The following RMDN2 variants were observed in gnomAD, a reference collection of about 807,000 sequenced individuals.
RMDN2 encodes the protein regulator of microtubule dynamics 2, also known as regulator of microtubule dynamics protein 2.
In RMDN2, 61 loss-of-function variants were observed where a neutral mutation model predicts 52.8. The ratio of observed to expected loss-of-function variants is 1.16; its 90% CI spans 0.94 to 1.43. The LOEUF (loss-of-function observed/expected upper bound fraction) is 1.43, where lower values mean the gene tolerates loss of function less well. RMDN2 is among the 40% of genes most tolerant of loss of function. The pLI is 0.00. For synonymous variants in RMDN2, 180 were observed against 153.1 expected (o/e 1.18, Z -1.30); for missense variants, 592 against 475.3 (o/e 1.25, Z -2.28).
intron 2 of RMDN2, among the ~76,000 whole-genome samples, chr2:37,933,180 C>T (rs191434883): frequency 1.8e-4 from 28 of 152,002 alleles, no homozygotes; most frequent in Admixed American, 7.8e-4. Context: ...GATGGGCGGC[C>T]GGGCAGAGAT....
At chr2:37,974,014 G>A (rs1242084345) in intron 2 of RMDN2, 26 bp from the exon 3 acceptor site, 1 of 1,574,940 alleles carries the variant, frequency 6.3e-7, no homozygotes. Flanking sequence ...TTTCAAAGGA[G>A]TTGATGATTA....
At chr2:37,923,757 G>C (rs761836165), upstream of RMDN2, among the ~76,000 whole-genome samples, 25 of 152,112 alleles carry the variant, frequency 1.6e-4, no homozygotes, top group Admixed American at 2.6e-4. Flanking sequence ...TTAGGTTTTT[G>C]CTCTTGTTTT....
At chr2:38,051,242 C>G (rs763413950) in intron 10 of RMDN2, among the ~76,000 whole-genome samples, 4 of 133,362 alleles carry the variant, frequency 3.0e-5, no homozygotes, top group Non-Finnish European at 6.2e-5. Context: ...ACCGTAAAAA[C>G]AAAATTGTAA....
intron 10 of RMDN2, among the ~76,000 whole-genome samples, chr2:38,040,048 T>TATTATG (rs1680859195): frequency 1.0e-5 from 1 of 97,216 alleles, no homozygotes; most frequent in South Asian, 3.1e-4. Flanking sequence ...CTAGATTCAT[T>TATTATG]ATTATTATTA....
intron 2 of RMDN2, among the ~76,000 whole-genome samples, chr2:37,971,659 T>G (rs376945176): frequency 2.0e-5 from 3 of 152,142 alleles, no homozygotes; most frequent in African/African-American, 7.2e-5. Flanking sequence ...ATGTACCACA[T>G]TTTCATATGC....
chr2:38,003,605 C>T (rs3953461), intron 8 of RMDN2, among the ~76,000 whole-genome samples: 66 of 85,192 alleles, frequency 7.7e-4, no homozygotes, highest in South Asian at 3.7e-3. Context: ...GATAGATAGG[C>T]AGACAGACAG....
intron 10 of RMDN2, among the ~76,000 whole-genome samples, chr2:38,058,688 T>G (rs1460029841): frequency 6.6e-6 from 1 of 152,248 alleles, no homozygotes; most frequent in Non-Finnish European, 1.5e-5. Context: ...GTTCGTTTTC[T>G]GTGTTTCAGA....
intron 2 of RMDN2, among the ~76,000 whole-genome samples, chr2:37,938,183 G>A (rs1160569194): frequency 3.3e-5 from 5 of 152,116 alleles, no homozygotes; most frequent in South Asian, 2.1e-4. Flanking sequence ...TTCTGTTTAT[G>A]TGATGGATTA....
intron 10 of RMDN2, among the ~76,000 whole-genome samples, chr2:38,016,144 G>A (rs372754985): frequency 1.3e-5 from 2 of 152,338 alleles, no homozygotes; most frequent in East Asian, 1.9e-4. Context: ...TGTAACCAAC[G>A]TGGAAGACGT....
At chr2:38,022,548 C>T (rs1010786772), downstream of RMDN2, among the ~76,000 whole-genome samples, 4 of 152,206 alleles carry the variant, frequency 2.6e-5, no homozygotes, top group South Asian at 8.3e-4. Flanking sequence ...AGTTCTGACC[C>T]AAACTTTGAA....
intron 2 of RMDN2, among the ~76,000 whole-genome samples, chr2:37,954,807 A>C (rs1669250026): frequency 6.6e-6 from 1 of 151,494 alleles, no homozygotes; most frequent in Non-Finnish European, 1.5e-5. Context: ...TTGACATCTT[A>C]ACATTATAAA....
At chr2:37,939,109 C>T (rs545534703) in intron 2 of RMDN2, among the ~76,000 whole-genome samples, 3 of 152,168 alleles carry the variant, frequency 2.0e-5, no homozygotes, top group Non-Finnish European at 2.9e-5. Flanking sequence ...TTGTTCTCGT[C>T]GGTTTCAAAT....
rs185487602 is a variant in RMDN2, at chr2:38,024,965, C to G, written c.1713+20749C>G. Reference sequence around the variant, plus strand: ...CTAGATTTGAAACCAGGTAGTGTTACTCCTCCAACTTTGTTTTTGTTCTGT... The same window carrying G: ...CTAGATTTGAAACCAGGTAGTGTTAGTCCTCCAACTTTGTTTTTGTTCTGT... On this transcript the variant is annotated intron_variant, in intron 10 of 10. Coordinates refer to the RMDN2 transcript ENST00000234195. Among the ~76,000 whole-genome samples, 149 of 152,212 alleles carry G rather than the reference C, an allele frequency of 9.8e-4. 1 individual carries two copies. The highest frequency in any genetic ancestry group is 3.5e-3 in the African/African-American group (145 of 41,552).
chr2:38,017,062 C>T (rs996801550), intron 10 of RMDN2, 124 bp from the exon 11 acceptor site: 2 of 429,662 alleles, frequency 4.7e-6, no homozygotes, highest in African/African-American at 4.1e-5. Flanking sequence ...TTGCACGTAC[C>T]CTCATGAACC....
downstream of RMDN2, among the ~76,000 whole-genome samples, chr2:38,021,233 G>T (rs1411059395): frequency 6.6e-6 from 1 of 151,984 alleles, no homozygotes; most frequent in Non-Finnish European, 1.5e-5. Context: ...TTGTAAACAC[G>T]CCAATCAGCA....
intron 2 of RMDN2, among the ~76,000 whole-genome samples, chr2:37,956,005 GT>G (rs1188157193): frequency 2.0e-5 from 3 of 152,036 alleles, no homozygotes; most frequent in Non-Finnish European, 4.4e-5. Flanking sequence ...CAGGTCTTTA[GT>G]TTTCTTTACT....
At chr2:37,946,393 T>C (rs1198035671) in intron 2 of RMDN2, among the ~76,000 whole-genome samples, 1 of 152,154 alleles carries the variant, frequency 6.6e-6, no homozygotes, top group Non-Finnish European at 1.5e-5. Flanking sequence ...AGATGCTTTA[T>C]TTTTCTCTTC....
At chr2:37,944,978 C>T (rs965453655) in intron 2 of RMDN2, among the ~76,000 whole-genome samples, 3 of 152,114 alleles carry the variant, frequency 2.0e-5, no homozygotes, top group African/African-American at 7.2e-5. Context: ...CAAGGTGTCA[C>T]CTGACCTTTT....
In RMDN2 at chr2:38,002,287, T is replaced by C. The variant is rs1335448187; in HGVS notation, c.1045-1704T>C. On this transcript the variant is annotated intron_variant, in intron 8 of 10. Transcript: ENST00000354545. ...TCTCCCTTACAGGAATAAACACACA[T>C]GTACACAAGCATATGGGAAAAAGTA... Among the ~76,000 whole-genome samples the C allele has an allele frequency of 3.9e-5, 6 of 152,286 alleles. No homozygotes were observed. The East Asian group carries it at 9.6e-4, about 24-fold the overall frequency.
Sources: gnomAD v4.1 joint callset for allele counts (sites outside exome capture counted in the v4.1 genomes callset) on GRCh38, gnomAD v4.1.1 for gene constraint, MANE v1.5 for transcripts, NCBI Gene and HGNC (gene_info 2026-07-23, HGNC 2026-07-21) for gene names.